SCUBE1: variants seen among roughly 807,000 people sequenced by gnomAD.
SCUBE1 encodes signal peptide, CUB domain and EGF like domain containing 1.
SCUBE1 carries 59 observed loss-of-function variants against 124.4 expected under a neutral mutation model. The observed-to-expected ratio is 0.47, with a 90% CI of 0.38 to 0.59. The LOEUF (loss-of-function observed/expected upper bound fraction) is 0.59, where lower values mean the gene tolerates loss of function less well. Ranked by LOEUF, SCUBE1 falls within the 20% of genes least tolerant of loss-of-function variation. The probability of loss-of-function intolerance (pLI) is 0.00; values close to 1 mark genes in which losing one functional copy is unlikely to be tolerated. For synonymous variants in SCUBE1, 545 were observed against 550.9 expected, an observed-to-expected ratio of 0.99 and a Z score of 0.15; for missense variants, 1,150 against 1,371.2, an observed-to-expected ratio of 0.84 and a Z score of 2.55.
intron 15 of SCUBE1, among the ~76,000 whole-genome samples, chr22:43,215,202 C>CG (rs1378045558): frequency 3.3e-5 from 5 of 152,148 alleles, no homozygotes; most frequent in Non-Finnish European, 7.4e-5. Flanking sequence ...AGGGGAGGCT[C>CG]GCAGCATGTG....
chr22:43,292,041 T>C (rs1925381188), intron 3 of SCUBE1, among the ~76,000 whole-genome samples: 1 of 152,104 alleles, frequency 6.6e-6, no homozygotes, highest in African/African-American at 2.4e-5. Context: ...CCCCAACACA[T>C]GGAGCTTTGC....
At chr22:43,238,625 T>G (rs1359437413) in intron 7 of SCUBE1, 2 of 642,084 alleles carry the variant, frequency 3.1e-6, no homozygotes, top group African/African-American at 3.6e-5. Context: ...GTGGGACCTG[T>G]GTTCTCTCGA....
intron 21 of SCUBE1, 131 bp from the exon 22 acceptor site, chr22:43,204,280 G>T: frequency 1.4e-6 from 1 of 701,310 alleles, no homozygotes; most frequent in Non-Finnish European, 2.4e-6. Context: ...CCTTCTTTTG[G>T]TTTTAATAGT....
intron 8 of SCUBE1, among the ~76,000 whole-genome samples, chr22:43,229,983 T>A (rs1922487900): frequency 6.6e-6 from 1 of 152,204 alleles, no homozygotes; most frequent in South Asian, 2.1e-4. Context: ...TTTGAAAACA[T>A]TAGCTCATGT....
chr22:43,342,985 G>T (rs1303770094), intron 1 of SCUBE1, among the ~76,000 whole-genome samples, 189 bp downstream of exon 1: 1 of 150,190 alleles, frequency 6.7e-6, no homozygotes, highest in African/African-American at 2.4e-5. Flanking sequence ...GGACTCAGGA[G>T]CCCCGGCCGC....
chr22:43,210,288 G>T lies in SCUBE1; in HGVS notation c.2384-48C>A. 6.9e-7 allele frequency: 1 copy of T among 1,453,668 alleles called. No homozygotes were observed. Among genetic ancestry groups the T allele is most frequent in the South Asian group, 1.4e-5 (1 of 71,068 alleles). The allele number at this position is 1,453,668 out of a possible 1,614,324, so 90.0% of individuals were successfully genotyped here. On this transcript the variant is annotated intron_variant, in intron 18 of 21. Coordinates refer to ENST00000360835, the MANE Select transcript of SCUBE1 (RefSeq NM_173050.5). The surrounding 1 kb of genome is among the most constrained non-coding windows in gnomAD (Gnocchi z 4.5). ...GCCTCATCAGGCTCTGCTGGGCAGG[G>T]GCCCTGGCCGGCCAGGCCTCTAACC...
At chr22:43,303,649 T>G (rs1014065994) in intron 3 of SCUBE1, among the ~76,000 whole-genome samples, 6 of 152,240 alleles carry the variant, frequency 3.9e-5, no homozygotes, top group Non-Finnish European at 8.8e-5. Context: ...AACCTGTCTC[T>G]GAGTTTGTGG....
chr22:43,336,281 T>C (rs915929370), intron 2 of SCUBE1, among the ~76,000 whole-genome samples: 7 of 152,194 alleles, frequency 4.6e-5, no homozygotes, highest in East Asian at 1.9e-4. Context: ...AGACCAGCCT[T>C]GTCTCTGCTT....
intron 2 of SCUBE1, among the ~76,000 whole-genome samples, chr22:43,322,962 A>G (rs1926606394): frequency 6.6e-6 from 1 of 152,236 alleles, no homozygotes; most frequent in African/African-American, 2.4e-5. Context: ...TGAACAAACT[A>G]AAGTGCAGAG....
intron 19 of SCUBE1, 61 bp downstream of exon 19, chr22:43,209,982 A>G (rs1921470099): frequency 6.7e-7 from 1 of 1,487,188 alleles, no homozygotes; most frequent in Non-Finnish European, 9.0e-7. Context: ...GCAGAACCGC[A>G]GCGAGACGGG....
intron 2 of SCUBE1, among the ~76,000 whole-genome samples, chr22:43,321,818 T>A (rs1012673346): frequency 1.3e-5 from 2 of 152,182 alleles, no homozygotes; most frequent in African/African-American, 4.8e-5. Context: ...GCTCAAGGGA[T>A]CCTCCTGCCT....
rs575278307 is a variant in SCUBE1 at position 43,232,996 on chromosome 22, C to A, written c.845-1121G>T. On this transcript the variant is annotated intron_variant, in intron 7 of 21. Coordinates refer to ENST00000360835, the MANE Select transcript of SCUBE1 (RefSeq NM_173050.5). ...CCTCCAGGCCCCCATGCTGGCCACC[C>A]CCTCCAGACTCTCTCCAGCAGTGAG... Among the ~76,000 whole-genome samples the A allele has an allele frequency of 1.6e-3, 240 of 152,382 alleles. 1 individual carries two copies. Among genetic ancestry groups the A allele is most frequent in the African/African-American group, 5.6e-3 (231 of 41,594 alleles).
chr22:43,296,205 C>T (rs1382347882), intron 3 of SCUBE1, among the ~76,000 whole-genome samples: 1 of 152,208 alleles, frequency 6.6e-6, no homozygotes, highest in Non-Finnish European at 1.5e-5. Context: ...CTGTTCGGGT[C>T]CCCACATCAG....
rs76574953 is a variant in SCUBE1 at position 43,243,260 on chromosome 22, G to C, written c.728-4306C>G. On this transcript the variant is annotated intron_variant, in intron 6 of 21. Coordinates refer to ENST00000360835, the MANE Select transcript of SCUBE1 (RefSeq NM_173050.5). ...GATCCTCACCGTGAGGTCTGCACCC[G>C]CTGGTGCCCTGGCTTCCTCCTCCAG... 7.4e-3 allele frequency among the ~76,000 whole-genome samples: 1,132 copies of C among 152,322 alleles called. 5 individuals are homozygous for C. Among genetic ancestry groups the C allele is most frequent in the African/African-American group, 0.025 (1,054 of 41,580 alleles).
intron 6 of SCUBE1, among the ~76,000 whole-genome samples, chr22:43,239,410 T>G (rs570760063): frequency 6.6e-6 from 1 of 152,362 alleles, no homozygotes; most frequent in Admixed American, 6.5e-5. Flanking sequence ...GACTGGCTTG[T>G]GGCCCCGGCC....
At chr22:43,268,196 CT>C (rs1450174147) in intron 4 of SCUBE1, among the ~76,000 whole-genome samples, 5 of 152,242 alleles carry the variant, frequency 3.3e-5, no homozygotes, top group African/African-American at 1.2e-4. Context: ...CCAGAGCAGG[CT>C]TCTGTGAGCC....
chr22:43,281,551 TCACCTCCCCCTCA>T (rs1924897492), intron 4 of SCUBE1, among the ~76,000 whole-genome samples: 1 of 106,446 alleles, frequency 9.4e-6, no homozygotes, highest in African/African-American at 3.7e-5. Flanking sequence ...CACCCTCCTG[TCACCTCCCCCTCA>T]GCCACCCTCC....
chr22:43,296,396 G>A (rs1362451930), intron 3 of SCUBE1, among the ~76,000 whole-genome samples: 4 of 152,216 alleles, frequency 2.6e-5, no homozygotes, highest in Non-Finnish European at 5.9e-5. Context: ...TAGGGGGAGT[G>A]TCCCGCCTCT....
intron 19 of SCUBE1, among the ~76,000 whole-genome samples, chr22:43,208,946 G>A (rs1921417863): frequency 6.6e-6 from 1 of 152,120 alleles, no homozygotes; most frequent in Non-Finnish European, 1.5e-5. Context: ...CCTTCATGGG[G>A]GACAGGCTGG....
Sources: allele counts gnomAD v4.1 joint callset (sites outside exome capture counted in the v4.1 genomes callset), GRCh38; gene constraint gnomAD v4.1.1; non-coding constraint Gnocchi (gnomAD v3.1); transcripts MANE v1.5; gene names NCBI Gene and HGNC (gene_info 2026-07-23, HGNC 2026-07-21).